The following NR2C2 variants were observed in gnomAD, a reference collection of about 807,000 sequenced individuals.
NR2C2 encodes nuclear receptor subfamily 2 group C member 2, also known as Nuclear hormone receptor TR4.
A neutral mutation model predicts 62.9 loss-of-function variants in NR2C2; 6 were observed. That is an observed-to-expected ratio of 0.10 (90% CI 0.05 to 0.19). NR2C2 has a LOEUF of 0.19. NR2C2 is among the 10% of genes least tolerant of loss of function. The pLI, the probability that NR2C2 is intolerant of heterozygous loss-of-function variation, is 1.00. For synonymous variants in NR2C2, 272 were observed against 273.8 expected (o/e 0.99, Z 0.07); for missense variants, 479 against 762.7 (o/e 0.63, Z 4.38).
intron 1 of NR2C2, among the ~76,000 whole-genome samples, chr3:14,984,446 T>C (rs2040459463): frequency 6.6e-6 from 1 of 152,346 alleles, no homozygotes; most frequent in South Asian, 2.1e-4. Flanking sequence ...TTAGGCTGTA[T>C]ATTGTCTTCT....
intron 13 of NR2C2, 110 bp downstream of exon 13, chr3:15,039,337 G>C: frequency 1.4e-6 from 1 of 723,190 alleles, no homozygotes; most frequent in South Asian, 1.6e-5. Flanking sequence ...CAGCCTGATA[G>C]AGCCTCCATT....
chr3:15,017,510 A>G (rs1018290876), intron 4 of NR2C2, among the ~76,000 whole-genome samples: 1 of 152,180 alleles, frequency 6.6e-6, no homozygotes, highest in African/African-American at 2.4e-5. Flanking sequence ...GCTCTCTACA[A>G]ACTTCTGAAC....
rs1473111773 is a variant in NR2C2, at chr3:15,047,842, G to A, written c.*4834G>A. On this transcript the variant is annotated 3_prime_UTR_variant, in exon 14 of 14. Transcript: ENST00000425241. ...AAATGACTTTAACTCCTTTCTATAA[G>A]TTATGATTTTAAATTTTCAGATAAG... 6.6e-6 allele frequency: 1 copy of A among 152,176 alleles called. No homozygotes were observed. The highest frequency in any genetic ancestry group is 2.4e-5 in the African/African-American group (1 of 41,432). The allele number at this position is 152,176 out of a possible 1,614,324, so 9.4% of individuals were successfully genotyped here. A position where few individuals can be genotyped will look rare whatever the true frequency, so the allele number is the denominator to read the frequency against.
At chr3:14,958,182 C>A (rs1559527065) in intron 1 of NR2C2, among the ~76,000 whole-genome samples, 1 of 152,200 alleles carries the variant, frequency 6.6e-6, no homozygotes, top group Non-Finnish European at 1.5e-5. Context: ...ATAAGTTCAT[C>A]AAGGACAAGG....
At chr3:14,972,190 T>C (rs1336177349) in intron 1 of NR2C2, among the ~76,000 whole-genome samples, 1 of 149,298 alleles carries the variant, frequency 6.7e-6, no homozygotes, top group Non-Finnish European at 1.5e-5. Flanking sequence ...TTTTTTTTTT[T>C]CTGAGACAGT....
At chr3:14,963,644 G>A (rs981960873) in intron 1 of NR2C2, among the ~76,000 whole-genome samples, 1 of 151,852 alleles carries the variant, frequency 6.6e-6, no homozygotes, top group Admixed American at 6.6e-5. Flanking sequence ...CTAATTTTTT[G>A]TATTTTTAGT....
rs771060194 is a variant in NR2C2, at chr3:15,028,556, T to C, written c.799-30T>C. ...AGAGTCATTTGCGTATCTGTGTTCA[T>C]TTTTAATGTCAGTATTTTTTGTTTA... is the stretch of plus-strand genomic sequence containing the variant. On this transcript the variant is annotated intron_variant, in intron 7 of 13. Transcript: ENST00000425241. The C allele has an allele frequency of 6.9e-6, 11 of 1,601,620 alleles. No individual in the cohort carries two copies. In the Admixed American group the frequency reaches 1.3e-4, roughly 20 times the overall value.
chr3:15,020,628 T>G (rs2041645651), intron 4 of NR2C2, 125 bp from the exon 5 acceptor site: 10 of 1,010,562 alleles, frequency 9.9e-6, no homozygotes, highest in East Asian at 2.4e-5. Flanking sequence ...ACGTGGCTGT[T>G]GGCATCTAAC....
intron 1 of NR2C2, among the ~76,000 whole-genome samples, chr3:14,966,068 TTAGC>T (rs1393052746): frequency 6.6e-6 from 1 of 152,244 alleles, no homozygotes; most frequent in African/African-American, 2.4e-5. Context: ...TAATATTTGA[TTAGC>T]TAAATGAGTA....
chr3:14,993,259 GC>G (rs1489524367), intron 1 of NR2C2, among the ~76,000 whole-genome samples: 1 of 152,046 alleles, frequency 6.6e-6, no homozygotes, highest in South Asian at 2.1e-4. Context: ...TTCGACACCA[GC>G]CTGGCCAACA....
chr3:14,990,387 A>G (rs2040635782), intron 1 of NR2C2, among the ~76,000 whole-genome samples: 1 of 152,238 alleles, frequency 6.6e-6, no homozygotes, highest in South Asian at 2.1e-4. Context: ...AGAAGCAATT[A>G]GTCATATTAT....
intron 3 of NR2C2, among the ~76,000 whole-genome samples, chr3:15,014,499 A>G (rs2041449255): frequency 6.6e-6 from 1 of 152,046 alleles, no homozygotes; most frequent in Non-Finnish European, 1.5e-5. Flanking sequence ...GATAAAATAC[A>G]CATAATATAA....
chr3:14,969,121 A>G (rs755349138), intron 1 of NR2C2, among the ~76,000 whole-genome samples: 64 of 151,998 alleles, frequency 4.2e-4, no homozygotes, highest in Non-Finnish European at 5.1e-4. Flanking sequence ...ATGTACCCTA[A>G]AACTTAAAGT....
intron 1 of NR2C2, among the ~76,000 whole-genome samples, chr3:14,967,513 G>A (rs1464702307): frequency 6.6e-6 from 1 of 151,884 alleles, no homozygotes; most frequent in Non-Finnish European, 1.5e-5. Context: ...ACAATGAAAT[G>A]ACTGTGAAAT....
rs2041155551 is a variant in NR2C2, at chr3:15,005,734, T to C, written c.72+1748T>C. Among the ~76,000 whole-genome samples the C allele has an allele frequency of 2.6e-5, 4 of 152,118 alleles. No homozygotes were observed. In the South Asian group the frequency reaches 8.3e-4, roughly 32 times the overall value. On this transcript the variant is annotated intron_variant, in intron 2 of 13. Coordinates refer to ENST00000425241, the MANE Select transcript of NR2C2 (RefSeq NM_001291694.2). Reference sequence around the variant, plus strand: ...TTGCATCTGTCTGTGTCTTTATTTATAAAATGGGTCTCCTGTAGGCAATAT... The same window carrying C: ...TTGCATCTGTCTGTGTCTTTATTTACAAAATGGGTCTCCTGTAGGCAATAT...
At position 15,044,112 on chromosome 3, in the gene NR2C2, A is replaced by T. The variant is rs1202436707; in HGVS notation, c.*1104A>T. On this transcript the variant is annotated 3_prime_UTR_variant, in exon 14 of 14. Transcript: ENST00000425241. ...GGGCTCGTGTTTCTGCAGCTCCATCATAACTGTGAGGCTGGATTGGGGCTG... is the reference window on the plus strand; with the variant it reads ...GGGCTCGTGTTTCTGCAGCTCCATCTTAACTGTGAGGCTGGATTGGGGCTG... The T allele has an allele frequency of 6.6e-6, 1 of 152,244 alleles. No individual in the cohort carries two copies. The highest frequency in any genetic ancestry group is 6.5e-5 in the Admixed American group (1 of 15,276). The allele number at this position is 152,244 out of a possible 1,614,324, so 9.4% of individuals were successfully genotyped here. A position where few individuals can be genotyped will look rare whatever the true frequency, so the allele number is the denominator to read the frequency against.
intron 7 of NR2C2, among the ~76,000 whole-genome samples, chr3:15,028,135 C>T (rs1256109415): frequency 2.0e-5 from 3 of 152,210 alleles, no homozygotes; most frequent in Non-Finnish European, 4.4e-5. Flanking sequence ...GCTGGGATTA[C>T]AGGCATGAGC....
chr3:14,959,391 TA>T (rs2039625792), intron 1 of NR2C2: 1 of 152,222 alleles, frequency 6.6e-6, no homozygotes, highest in African/African-American at 2.4e-5. Flanking sequence ...TTTTCAAAAG[TA>T]ATAGAAAATA....
chr3:15,030,844 T>A (rs1444349504), intron 9 of NR2C2, among the ~76,000 whole-genome samples: 6 of 152,006 alleles, frequency 3.9e-5, no homozygotes, highest in Non-Finnish European at 8.8e-5. Context: ...AATAAATAAA[T>A]AAAAATTAAA....
Sources: allele counts gnomAD v4.1 joint callset (sites outside exome capture counted in the v4.1 genomes callset), GRCh38; gene constraint gnomAD v4.1.1; transcripts MANE v1.5; gene names NCBI Gene and HGNC (gene_info 2026-07-23, HGNC 2026-07-21).